Variants in PDS5B observed in about 807,000 individuals in gnomAD.
PDS5B encodes PDS5 cohesin associated factor B, also known as sister chromatid cohesion protein PDS5 homolog B.
Under a neutral mutation model 184.1 loss-of-function variants are expected in PDS5B, and 51 were observed. The ratio of observed to expected loss-of-function variants is 0.28; its 90% CI spans 0.22 to 0.35. The LOEUF (loss-of-function observed/expected upper bound fraction) is 0.35, where lower values mean the gene tolerates loss of function less well. PDS5B is among the 10% of genes least tolerant of loss of function. The probability of loss-of-function intolerance (pLI) is 1.00; values close to 1 mark genes in which losing one functional copy is unlikely to be tolerated. For missense variants in PDS5B, 1,180 were observed against 1,723.3 expected (o/e 0.68, Z 5.58); for synonymous variants, 566 against 569.2 (o/e 0.99, Z 0.08).
chr13:32,764,422 C>A, intron 30 of PDS5B, 67 bp from the exon 31 acceptor site: 1 of 957,084 alleles, frequency 1.0e-6, no homozygotes, highest in Non-Finnish European at 1.5e-6. Flanking sequence ...TAAAGCTACA[C>A]TAGGAACAGA....
chr13:32,765,987 T>A (rs1954574484), intron 31 of PDS5B, among the ~76,000 whole-genome samples: 1 of 152,246 alleles, frequency 6.6e-6, no homozygotes, highest in Non-Finnish European at 1.5e-5. Flanking sequence ...AATTTTCACA[T>A]GAGCAAAATT....
chr13:32,609,377 C>CT (rs1314359011), intron 1 of PDS5B, among the ~76,000 whole-genome samples: 2 of 151,798 alleles, frequency 1.3e-5, no homozygotes, highest in Non-Finnish European at 2.9e-5. Flanking sequence ...GAGGAAAATA[C>CT]TTATTAGAGT....
intron 2 of PDS5B, among the ~76,000 whole-genome samples, chr13:32,651,558 A>G (rs1174415764): frequency 6.6e-6 from 1 of 152,218 alleles, no homozygotes; most frequent in Non-Finnish European, 1.5e-5. Context: ...CATAAGGGCA[A>G]TTTAATCTTT....
chr13:32,687,220 A>G lies in PDS5B; in HGVS notation c.1290A>G (p.Ala430=). Residue 430 remains alanine, a synonymous_variant, in exon 12 of 35, where the codon GCA becomes GCG. Transcript: ENST00000315596. ...ALQSAAGKDA[A]KQIAWIKDKL... is the part of the protein sequence containing the mutation. ...AGTCAGCAGCTGGAAAAGATGCTGC[A>G]AAACAGATAGCATGGATCAAAGACA... The G allele has an allele frequency of 3.1e-6, 5 of 1,608,134 alleles. No homozygotes were observed. The highest frequency in any genetic ancestry group is 4.2e-6 in the Non-Finnish European group (5 of 1,177,394).
At chr13:32,754,750 T>C (rs1216280496) in intron 25 of PDS5B, among the ~76,000 whole-genome samples, 1 of 152,160 alleles carries the variant, frequency 6.6e-6, no homozygotes, top group Non-Finnish European at 1.5e-5. Context: ...GTTGTGAGAA[T>C]TTAAAAAATT....
intron 16 of PDS5B, 27 bp from the exon 17 acceptor site, chr13:32,701,296 G>T: frequency 8.6e-7 from 1 of 1,161,436 alleles, no homozygotes; most frequent in Non-Finnish European, 1.3e-6. Flanking sequence ...ATGTACTTTT[G>T]TAATACTGAA....
At chr13:32,589,927 G>A (rs959830337) in intron 1 of PDS5B, among the ~76,000 whole-genome samples, 1 of 152,106 alleles carries the variant, frequency 6.6e-6, no homozygotes, top group Admixed American at 6.6e-5. Flanking sequence ...AAAGGTTTTA[G>A]AATCCTTTCT....
chr13:32,646,369 GTTTTTTTT>G lies in PDS5B; in HGVS notation c.-19-2369_-19-2362del, dbSNP rs58539534. Among the ~76,000 whole-genome samples, 566 of 106,030 alleles carry G rather than the reference GTTTTTTTT, an allele frequency of 5.3e-3. 1 individual carries two copies. The highest frequency in any genetic ancestry group is 0.03 in the Middle Eastern group (5 of 168). 69.6% of individuals were successfully genotyped at this position (106,030 alleles called of 152,430 possible). A position where few individuals can be genotyped will look rare whatever the true frequency, so the allele number is the denominator to read the frequency against. On this transcript the variant is annotated intron_variant, in intron 1 of 34. Transcript: ENST00000315596. Reference sequence around the variant, plus strand: ...CAATGATTTATTCTCTCATGGCTGTGTTTTTTTTTTTTTTTTTTTTTTTGCCCCCATTG... The same window carrying G: ...CAATGATTTATTCTCTCATGGCTGTGTTTTTTTTTTTTTTTGCCCCCATTG...
Position 32,672,445 on chromosome 13 carries a change from G to A in PDS5B, c.706-771G>A, listed in dbSNP as rs1222769790. 3.3e-5 allele frequency among the ~76,000 whole-genome samples: 5 copies of A among 152,250 alleles called. No homozygotes were observed. In the South Asian group the frequency reaches 1.0e-3, roughly 32 times the overall value. ...CATAGTGTATGTATACACACACACA[G>A]AGACACATGTATATGTATGAGAGGG... On this transcript the variant is annotated intron_variant, in intron 7 of 34. Transcript: ENST00000315596.
chr13:32,695,557 T>C (rs1951677172), intron 14 of PDS5B, among the ~76,000 whole-genome samples: 2 of 152,018 alleles, frequency 1.3e-5, no homozygotes, highest in African/African-American at 4.8e-5. Context: ...TTTATTAAAA[T>C]TTTAAGATGT....
intron 19 of PDS5B, among the ~76,000 whole-genome samples, chr13:32,713,432 G>A (rs1952269999): frequency 6.6e-6 from 1 of 152,080 alleles, no homozygotes; most frequent in Non-Finnish European, 1.5e-5. Flanking sequence ...AACTGTCTTA[G>A]TTATTTAAGC....
intron 10 of PDS5B, among the ~76,000 whole-genome samples, chr13:32,683,266 C>T (rs1489834949): frequency 6.6e-6 from 1 of 151,916 alleles, no homozygotes; most frequent in Non-Finnish European, 1.5e-5. Context: ...ACCTCATCCT[C>T]CCAAAGTGCT....
At chr13:32,764,453 G>C in intron 30 of PDS5B, 36 bp from the exon 31 acceptor site, 3 of 1,252,804 alleles carry the variant, frequency 2.4e-6, no homozygotes, top group Non-Finnish European at 3.4e-6. Flanking sequence ...AAGGTTATTT[G>C]ATTGTAATAA....
chr13:32,592,739 C>T (rs1193646643), intron 1 of PDS5B, among the ~76,000 whole-genome samples: 1 of 152,126 alleles, frequency 6.6e-6, no homozygotes, highest in East Asian at 1.9e-4. Flanking sequence ...ACAATATATG[C>T]TCCTATGATA....
chr13:32,648,488 C>A (rs1251761362), intron 1 of PDS5B, among the ~76,000 whole-genome samples: 1 of 151,826 alleles, frequency 6.6e-6, no homozygotes, highest in Non-Finnish European at 1.5e-5. Flanking sequence ...CTCTAGCTTA[C>A]TATTATTATT....
chr13:32,725,373 TAGTCCCTG>T lies in PDS5B; in HGVS notation c.2124-6722_2124-6715del, dbSNP rs1470006172. 9.2e-5 allele frequency among the ~76,000 whole-genome samples: 14 copies of T among 152,282 alleles called. No individual in the cohort carries two copies. In the East Asian group the frequency reaches 2.7e-3, roughly 29 times the overall value. ...TATAATCTTGGAAGCCTCTTCAAGT[TAGTCCCTG>T]AGTCCTTTGAAACAATCCCAATAAT... On this transcript the variant is annotated intron_variant, in intron 19 of 34. Coordinates refer to ENST00000315596, the MANE Select transcript of PDS5B (RefSeq NM_015032.4).
chr13:32,646,695 A>G (rs1950237016), intron 1 of PDS5B, among the ~76,000 whole-genome samples: 1 of 151,948 alleles, frequency 6.6e-6, no homozygotes, highest in South Asian at 2.1e-4. Flanking sequence ...GTTTATGTTG[A>G]AATTTAAAAA....
intron 17 of PDS5B, among the ~76,000 whole-genome samples, chr13:32,702,216 T>C (rs931990198): frequency 1.3e-5 from 2 of 152,202 alleles, no homozygotes; most frequent in African/African-American, 4.8e-5. Flanking sequence ...GGGAAGGCAT[T>C]GGGCGTAGCT....
rs1412414775 is a variant in PDS5B, at chr13:32,773,343, T to C, written c.4308+19T>C. 2 of 1,597,080 alleles carry C rather than the reference T, an allele frequency of 1.3e-6. No individual in the cohort carries two copies. Among genetic ancestry groups the C allele is most frequent in the East Asian group, 4.5e-5 (2 of 44,598 alleles). On this transcript the variant is annotated intron_variant, in intron 34 of 34. Coordinates refer to ENST00000315596, the MANE Select transcript of PDS5B (RefSeq NM_015032.4). Reference sequence around the variant, plus strand: ...AGTAAATGTATGTGTTCAAAGTTTCTGTGAGTGGTGTGGGATATAAAAAGA... The same window carrying C: ...AGTAAATGTATGTGTTCAAAGTTTCCGTGAGTGGTGTGGGATATAAAAAGA...
Sources: allele counts gnomAD v4.1 joint callset (sites outside exome capture counted in the v4.1 genomes callset), GRCh38; gene constraint gnomAD v4.1.1; transcripts MANE v1.5; gene names NCBI Gene and HGNC (gene_info 2026-07-23, HGNC 2026-07-21).